Variants in MTO1 observed in about 807,000 individuals in gnomAD.
MTO1 encodes the protein 5-taurinomethyluridine-[tRNA] synthase subunit MTO1, mitochondrial.
A neutral mutation model predicts 71.6 loss-of-function variants in MTO1; 46 were observed. The ratio of observed to expected loss-of-function variants is 0.64; its 90% CI spans 0.51 to 0.82. The LOEUF is 0.82. MTO1 is among the 40% of genes least tolerant of loss of function. The pLI is 0.00. For missense variants in MTO1, 773 were observed against 867.5 expected (o/e 0.89, Z 1.37); for synonymous variants, 297 against 312.1 (o/e 0.95, Z 0.51).
rs745717355 is a variant in MTO1 at position 73,500,763 on chromosome 6, A to G, written c.*28A>G. On this transcript the variant is annotated 3_prime_UTR_variant, in exon 12 of 12. Coordinates refer to ENST00000498286, the MANE Select transcript of MTO1 (RefSeq NM_012123.4). ...TTCAATTCATAAAAGATTTTTAAAG[A>G]GCATATAAATAATTTGATCAATACA... 2 of 1,522,078 alleles carry G rather than the reference A, an allele frequency of 1.3e-6. No individual in the cohort carries two copies. The highest frequency in any genetic ancestry group is 2.6e-5 in the South Asian group (2 of 77,056). The allele number at this position is 1,522,078 out of a possible 1,614,324, so 94.3% of individuals were successfully genotyped here.
At position 73,500,707 on chromosome 6, in the gene MTO1, C is replaced by G; in HGVS notation, c.2051C>G (p.Ala684Gly). 1.2e-6 allele frequency: 2 copies of G among 1,600,652 alleles called. No homozygotes were observed. The highest frequency in any genetic ancestry group is 1.7e-6 in the Non-Finnish European group (2 of 1,174,218). ...AAGACTGATCAATACTTATGTGATG[C>G]AGACAGACTTCAAGAGAGAGAGTTA... ...SSKTDQYLCDADRLQEREL is the reference protein window; with the variant it reads ...SSKTDQYLCDGDRLQEREL Residue 684 changes from alanine to glycine, a missense_variant, in exon 12 of 12, where the codon GCA becomes GGA. Coordinates refer to ENST00000498286, the MANE Select transcript of MTO1 (RefSeq NM_012123.4).
intron 1 of MTO1, among the ~76,000 whole-genome samples, chr6:73,464,999 T>C (rs1360030539): frequency 6.6e-6 from 1 of 152,010 alleles, no homozygotes; most frequent in African/African-American, 2.4e-5. Flanking sequence ...TGGGTAAATG[T>C]AAGGGAAAGG....
At chr6:73,480,204 CATT>C (rs894858353) in intron 6 of MTO1, 78 bp downstream of exon 6, 5 of 1,365,116 alleles carry the variant, frequency 3.7e-6, no homozygotes, top group Admixed American at 1.8e-5. Context: ...TAGCTACAGT[CATT>C]GTTGTTCAGA....
chr6:73,497,461 C>G (rs962541598), intron 10 of MTO1, among the ~76,000 whole-genome samples: 10 of 151,774 alleles, frequency 6.6e-5, no homozygotes, highest in African/African-American at 2.4e-4. Context: ...GCCACAAATT[C>G]TTTTTTTACT....
chr6:73,499,806 C>T (rs554616310), intron 11 of MTO1, among the ~76,000 whole-genome samples: 2 of 152,186 alleles, frequency 1.3e-5, no homozygotes, highest in Non-Finnish European at 2.9e-5. Context: ...GAGCTCAGCT[C>T]AGAAGAGGCT....
intron 3 of MTO1, among the ~76,000 whole-genome samples, chr6:73,469,734 G>A (rs1371705120): frequency 1.3e-5 from 2 of 152,110 alleles, no homozygotes; most frequent in Admixed American, 6.6e-5. Flanking sequence ...TGCTGGACAC[G>A]GTGGCTCACG....
chr6:73,477,079 G>A (rs536854662), intron 4 of MTO1, among the ~76,000 whole-genome samples: 88 of 150,394 alleles, frequency 5.9e-4, no homozygotes, highest in African/African-American at 1.9e-3. Flanking sequence ...GAGCCACTGC[G>A]CCTGACCAAA....
intron 9 of MTO1, among the ~76,000 whole-genome samples, chr6:73,485,808 C>T (rs658475): frequency 0.91 from 138,356 of 152,276 alleles, 62,962 homozygotes; most frequent in East Asian, 0.95. Context: ...TTTTAAAATC[C>T]GGTTAAAAAT....
At position 73,502,249 on chromosome 6, in the gene MTO1, G is replaced by C. The variant is rs1180889043; in HGVS notation, c.*1514G>C. ...ACCTGAAGTCAGGAGTTCAAGACCA[G>C]CCTGGCCAACATGGCAAAACCCCAT... On this transcript the variant is annotated 3_prime_UTR_variant, in exon 12 of 12. Transcript: ENST00000498286. 1 of 151,732 alleles carries C rather than the reference G, an allele frequency of 6.6e-6. No individual in the cohort carries two copies. The highest frequency in any genetic ancestry group is 2.4e-5 in the African/African-American group (1 of 41,268). 9.4% of individuals were successfully genotyped at this position (151,732 alleles called of 1,614,324 possible).
In MTO1 at chr6:73,475,160, G is replaced by A. The variant is rs545539100; in HGVS notation, c.825+1506G>A. On this transcript the variant is annotated intron_variant, in intron 4 of 11. Transcript: ENST00000498286. ...TTATTTTTAATAGAGACAGGGTCTC[G>A]CCATATTGCCCAGGCTGGTCTCGTA... Among the ~76,000 whole-genome samples, 6 of 151,376 alleles carry A rather than the reference G, an allele frequency of 4.0e-5. No homozygotes were observed. In the South Asian group the frequency reaches 8.4e-4, roughly 21 times the overall value.
chr6:73,484,483 T>G (rs115639419), intron 9 of MTO1, among the ~76,000 whole-genome samples: 1 of 152,114 alleles, frequency 6.6e-6, no homozygotes, highest in African/African-American at 2.4e-5. Context: ...ATCCCACTTA[T>G]AAGCGCCAGA....
intron 4 of MTO1, among the ~76,000 whole-genome samples, chr6:73,478,197 G>C (rs185914195): frequency 6.6e-6 from 1 of 150,534 alleles, no homozygotes; most frequent in African/African-American, 2.4e-5. Flanking sequence ...AGTGAGCAGA[G>C]ATGATGCCAC....
rs1770836528 is a variant in MTO1 at position 73,462,051 on chromosome 6, C to T, written c.197C>T (p.Thr66Ile). 2 of 1,613,828 alleles carry T rather than the reference C, an allele frequency of 1.2e-6. No individual in the cohort carries two copies. Among genetic ancestry groups the T allele is most frequent in the Non-Finnish European group, 1.7e-6 (2 of 1,179,908 alleles). ...TGCGGCTCTCGGACTCTGCTCCTCA[C>T]TCACCGCGTGGACACGATCGGTGAG... ...ARCGSRTLLL[T>I]HRVDTIGQMS... The change falls in exon 1 of 12, where the codon ACT becomes ATT. Residue 66 changes from threonine (T) to isoleucine (I), a missense_variant. Thr to Ile is a moderately conservative substitution (Grantham distance 89, BLOSUM62 -1). Coordinates refer to ENST00000498286, the MANE Select transcript of MTO1 (RefSeq NM_012123.4).
intron 1 of MTO1, among the ~76,000 whole-genome samples, chr6:73,463,434 T>C (rs1582667842): frequency 6.6e-6 from 1 of 152,298 alleles, no homozygotes; most frequent in South Asian, 2.1e-4. Flanking sequence ...AATGGTTGGA[T>C]GGCCGTTCTG....
In MTO1 at chr6:73,488,568, A is replaced by T. The variant is rs116315798; in HGVS notation, c.1638-3666A>T. On this transcript the variant is annotated intron_variant, in intron 9 of 11. Transcript: ENST00000498286. ...ACAAATATTTTCTCCCATTCTGTGG[A>T]TTGTGTTTTCACTCTGTTGTTTGTA... Among the ~76,000 whole-genome samples, 493 of 152,034 alleles carry T rather than the reference A, an allele frequency of 3.2e-3. 2 individuals carry two copies. Among genetic ancestry groups the T allele is most frequent in the African/African-American group, 0.011 (443 of 41,450 alleles).
intron 3 of MTO1, 88 bp from the exon 4 acceptor site, chr6:73,473,277 C>CAGATAGAT (rs138624045): frequency 8.8e-4 from 1,133 of 1,282,546 alleles, no homozygotes; most frequent in East Asian, 4.5e-3. Flanking sequence ...GACTTCATCT[C>CAGATAGAT]AGATAGATAG....
chr6:73,463,020 CTTTT>C (rs538317090), intron 1 of MTO1, among the ~76,000 whole-genome samples: 8 of 141,018 alleles, frequency 5.7e-5, no homozygotes, highest in Admixed American at 2.1e-4. Context: ...ACCATGCTAC[CTTTT>C]TTTTTTTTTT....
intron 7 of MTO1, among the ~76,000 whole-genome samples, chr6:73,481,584 A>C (rs952458336): frequency 1.3e-5 from 2 of 152,038 alleles, no homozygotes; most frequent in Non-Finnish European, 2.9e-5. Context: ...TGAGTGATGT[A>C]GTGAGACCCC....
At position 73,482,197 on chromosome 6, in the gene MTO1, G is replaced by A. The variant is rs1472294844; in HGVS notation, c.1418G>A (p.Arg473His). ...YRMFTSRVEF[R>H]LSLRPDNADS... ...ATGTTTACCAGCCGAGTAGAGTTCCGTTTGTCACTGCGCCCTGATAATGCT... is the reference window on the plus strand; with the variant it reads ...ATGTTTACCAGCCGAGTAGAGTTCCATTTGTCACTGCGCCCTGATAATGCT... Residue 473 changes from arginine to histidine, a missense_variant, in exon 8 of 12, where the codon CGT becomes CAT. Transcript: ENST00000498286. 1.6e-5 allele frequency: 26 copies of A among 1,613,992 alleles called. No individual in the cohort carries two copies. Among genetic ancestry groups the A allele is most frequent in the East Asian group, 4.5e-5 (2 of 44,892 alleles).
Sources: gnomAD v4.1 joint callset for allele counts (sites outside exome capture counted in the v4.1 genomes callset) on GRCh38, gnomAD v4.1.1 for gene constraint, MANE v1.5 for transcripts, NCBI Gene and HGNC (gene_info 2026-07-23, HGNC 2026-07-21) for gene names.